Variants in SH3KBP1 observed in about 807,000 individuals in gnomAD.
SH3KBP1 encodes the protein SH3 domain-containing kinase-binding protein 1.
In SH3KBP1, 8 loss-of-function variants were observed where a neutral mutation model predicts 50.1. The observed-to-expected ratio is 0.16, with a 90% CI of 0.09 to 0.29. SH3KBP1 has a LOEUF of 0.29. Ranked by LOEUF, SH3KBP1 falls within the 10% of genes least tolerant of loss-of-function variation. The pLI is 1.00. For synonymous variants in SH3KBP1, 227 were observed against 218.6 expected (o/e 1.04, Z -0.34); for missense variants, 377 against 535.2 (o/e 0.70, Z 2.92).
chrX:19,586,277 G>A (rs2066563476), intron 12 of SH3KBP1, among the ~76,000 whole-genome samples: 1 of 111,758 alleles, frequency 8.9e-6, no homozygotes, highest in African/African-American at 3.3e-5. Context: ...AGCAGCAGTT[G>A]GAATTCCACT....
chrX:19,664,574 A>T (rs2062549392), intron 6 of SH3KBP1: 1 of 111,905 alleles, frequency 8.9e-6, no homozygotes, highest in African/African-American at 3.3e-5. Context: ...ATAGAAACCT[A>T]GAGTTGTTTG....
intron 6 of SH3KBP1, among the ~76,000 whole-genome samples, chrX:19,675,735 T>C (rs1418116408): frequency 8.9e-6 from 1 of 112,297 alleles, no homozygotes; most frequent in East Asian, 2.8e-4. Context: ...TCTGGGAATA[T>C]GATTCTTGGT....
intron 2 of SH3KBP1, among the ~76,000 whole-genome samples, chrX:19,807,389 C>T (rs183141722): frequency 9.0e-6 from 1 of 111,658 alleles, no homozygotes; most frequent in African/African-American, 3.2e-5. Context: ...CAGTGCAGAC[C>T]GAGGGAGGAT....
chrX:19,879,594 A>G (rs1329875561), intron 1 of SH3KBP1, among the ~76,000 whole-genome samples: 1 of 112,303 alleles, frequency 8.9e-6, no homozygotes, highest in East Asian at 2.8e-4. Flanking sequence ...TACCAGAAGC[A>G]AGTTTAACAA....
At chrX:19,689,417 G>A (rs775619148) in intron 5 of SH3KBP1, among the ~76,000 whole-genome samples, 2 of 112,046 alleles carry the variant, frequency 1.8e-5, no homozygotes, top group African/African-American at 6.5e-5. Flanking sequence ...GCAGTATTTC[G>A]ATAATGTTCC....
At chrX:19,662,887 T>G (rs1467537390) in intron 6 of SH3KBP1, among the ~76,000 whole-genome samples, 1 of 108,482 alleles carries the variant, frequency 9.2e-6, no homozygotes, top group Non-Finnish European at 1.9e-5. Context: ...GTAGTTAAGA[T>G]GAACCTTTTT....
At chrX:19,666,420 C>T (rs1458986728) in intron 6 of SH3KBP1, among the ~76,000 whole-genome samples, 1 of 110,952 alleles carries the variant, frequency 9.0e-6, no homozygotes, top group African/African-American at 3.3e-5. Flanking sequence ...AAGTAACTAC[C>T]TGGGCACTCC....
chrX:19,846,090 C>G (rs997017968), intron 1 of SH3KBP1, among the ~76,000 whole-genome samples: 5 of 112,143 alleles, frequency 4.5e-5, no homozygotes, highest in Non-Finnish European at 7.5e-5. Flanking sequence ...GAGTCAGTGT[C>G]TTGCTCTGTC....
chrX:19,645,483 G>T lies in SH3KBP1; in HGVS notation c.727-8C>A. 1 of 1,144,968 alleles carries T rather than the reference G, an allele frequency of 8.7e-7. No homozygotes were observed. Among genetic ancestry groups the T allele is most frequent in the Non-Finnish European group, 1.2e-6 (1 of 836,104 alleles). The allele number at this position is 1,144,968 out of a possible 1,213,427, so 94.4% of individuals were successfully genotyped here. ...TAACTTCTTCCCAATAGTCTGAGGGGAAAAACAGATGATTTTACTTATCAA... is the reference window on the plus strand; with the variant it reads ...TAACTTCTTCCCAATAGTCTGAGGGTAAAAACAGATGATTTTACTTATCAA... On this transcript the variant is annotated splice_region_variant and splice_polypyrimidine_tract_variant and intron_variant, in intron 6 of 17. Coordinates refer to ENST00000397821, the MANE Select transcript of SH3KBP1 (RefSeq NM_031892.3).
At chrX:19,799,344 G>A (rs1022443506) in intron 2 of SH3KBP1, among the ~76,000 whole-genome samples, 1 of 111,743 alleles carries the variant, frequency 8.9e-6, no homozygotes, top group Non-Finnish European at 1.9e-5. Flanking sequence ...CACCAAACCA[G>A]ATGACAGAGC....
intron 9 of SH3KBP1, chrX:19,601,792 T>A (rs1418153441): frequency 9.0e-6 from 1 of 111,207 alleles, no homozygotes; most frequent in Non-Finnish European, 1.9e-5. Flanking sequence ...GCTAAAGCTA[T>A]GCTCTAGGTG....
At chrX:19,567,610 A>G (rs2147819342) in intron 13 of SH3KBP1, among the ~76,000 whole-genome samples, 1 of 96,252 alleles carries the variant, frequency 1.0e-5, no homozygotes, top group Non-Finnish European at 2.0e-5. Context: ...TACTAGTAAA[A>G]CTGTGAAAAT....
chrX:19,545,451 C>T (rs1209348604), intron 15 of SH3KBP1, among the ~76,000 whole-genome samples: 2 of 112,328 alleles, frequency 1.8e-5, no homozygotes, highest in African/African-American at 6.5e-5. Flanking sequence ...TAGAATGTGA[C>T]TCCAAATCAA....
intron 2 of SH3KBP1, among the ~76,000 whole-genome samples, chrX:19,834,078 C>A (rs2067992297): frequency 8.9e-6 from 1 of 112,014 alleles, no homozygotes; most frequent in Non-Finnish European, 1.9e-5. Context: ...AGCCTTCTCA[C>A]ACCAAAGAGA....
At chrX:19,848,254 T>C (rs2068414393) in intron 1 of SH3KBP1, among the ~76,000 whole-genome samples, 1 of 111,948 alleles carries the variant, frequency 8.9e-6, no homozygotes, top group Admixed American at 9.5e-5. Context: ...CTGGGCCATC[T>C]TGTCACACCA....
chrX:19,825,094 A>T (rs1232027673), intron 2 of SH3KBP1, among the ~76,000 whole-genome samples: 1 of 112,186 alleles, frequency 8.9e-6, no homozygotes, highest in East Asian at 2.8e-4. Flanking sequence ...TTTACCACTG[A>T]TAGAAAAGAC....
chrX:19,713,561 C>CA (rs781185511), intron 3 of SH3KBP1, among the ~76,000 whole-genome samples: 6,140 of 96,164 alleles, frequency 0.064, 442 homozygotes, highest in African/African-American at 0.21. Context: ...CACACCTAGC[C>CA]AAAAAAAAAA....
rs1291160764 is a variant in SH3KBP1, at chrX:19,722,551, T to C, written c.287-15567A>G. On this transcript the variant is annotated intron_variant, in intron 3 of 17. Coordinates refer to ENST00000397821, the MANE Select transcript of SH3KBP1 (RefSeq NM_031892.3). Reference sequence around the variant, plus strand: ...GCACTGGTGTGTGTGTGTGTGTGTGTGTGTGCGCGTGCGCACTGGTGTGTG... The same window carrying C: ...GCACTGGTGTGTGTGTGTGTGTGTGCGTGTGCGCGTGCGCACTGGTGTGTG... Among the ~76,000 whole-genome samples, 3 of 103,808 alleles carry C rather than the reference T, an allele frequency of 2.9e-5. No individual in the cohort carries two copies. The Admixed American group carries it at 3.2e-4, about 11-fold the overall frequency. The allele number at this position is 103,808 out of a possible 115,157, so 90.1% of individuals were successfully genotyped here. A position where few individuals can be genotyped will look rare whatever the true frequency, so the allele number is the denominator to read the frequency against.
At chrX:19,795,423 T>C (rs925056325) in intron 2 of SH3KBP1, among the ~76,000 whole-genome samples, 7 of 111,425 alleles carry the variant, frequency 6.3e-5, no homozygotes, top group African/African-American at 2.0e-4. Flanking sequence ...TTCAGTAAAA[T>C]TGGTCTCAAT....
Sources: gnomAD v4.1 joint callset for allele counts (sites outside exome capture counted in the v4.1 genomes callset) on GRCh38, gnomAD v4.1.1 for gene constraint, MANE v1.5 for transcripts, NCBI Gene and HGNC (gene_info 2026-07-23, HGNC 2026-07-21) for gene names.